Variants in KIFAP3 observed in about 807,000 individuals in gnomAD.
The protein encoded by KIFAP3 is kinesin associated protein 3.
A neutral mutation model predicts 106.5 loss-of-function variants in KIFAP3; 68 were observed. That is an observed-to-expected ratio of 0.64 (90% CI 0.53 to 0.78). The LOEUF (loss-of-function observed/expected upper bound fraction) is 0.78, where lower values mean the gene tolerates loss of function less well. KIFAP3 is among the 30% of genes least tolerant of loss of function. The probability of loss-of-function intolerance (pLI) is 0.00; values close to 1 mark genes in which losing one functional copy is unlikely to be tolerated. For missense variants in KIFAP3, 780 were observed against 941.8 expected (o/e 0.83, Z 2.25); for synonymous variants, 320 against 311.5 (o/e 1.03, Z -0.29).
At chr1:169,998,812 T>C (rs1036642303) in intron 10 of KIFAP3, among the ~76,000 whole-genome samples, 1 of 152,196 alleles carries the variant, frequency 6.6e-6, no homozygotes, top group Non-Finnish European at 1.5e-5. Context: ...ATATAAACCA[T>C]ATGTATCTTA....
chr1:169,922,499 A>G (rs548150857), intron 19 of KIFAP3, among the ~76,000 whole-genome samples: 1 of 152,372 alleles, frequency 6.6e-6, no homozygotes, highest in East Asian at 1.9e-4. Context: ...TTGTAAAGAT[A>G]GCTTGAAGTA....
intron 19 of KIFAP3, among the ~76,000 whole-genome samples, chr1:169,940,348 A>G (rs1664041256): frequency 1.3e-5 from 2 of 152,344 alleles, no homozygotes; most frequent in South Asian, 2.1e-4. Context: ...ATATATTTCA[A>G]TAATTGCCAT....
chr1:169,996,259 T>TA (rs1558230366), intron 10 of KIFAP3, among the ~76,000 whole-genome samples: 1 of 152,158 alleles, frequency 6.6e-6, no homozygotes, highest in East Asian at 1.9e-4. Flanking sequence ...GATCCTCTAT[T>TA]AAAAAAACTC....
intron 18 of KIFAP3, among the ~76,000 whole-genome samples, chr1:169,956,610 C>CTTT (rs1163823729): frequency 9.4e-5 from 11 of 117,438 alleles, no homozygotes; most frequent in Non-Finnish European, 1.2e-4. Context: ...CACTGAAGTT[C>CTTT]TTTTTTTTTT....
intron 1 of KIFAP3, chr1:170,068,186 C>T (rs1671537120): frequency 6.6e-6 from 1 of 151,730 alleles, no homozygotes; most frequent in Non-Finnish European, 1.5e-5. Context: ...AAACAAGAAA[C>T]TCATTCTCAT....
At chr1:170,009,508 G>A (rs1485651862) in intron 10 of KIFAP3, among the ~76,000 whole-genome samples, 2 of 152,024 alleles carry the variant, frequency 1.3e-5, no homozygotes, top group Non-Finnish European at 2.9e-5. Context: ...CCCTTCCAAA[G>A]AACACATTTC....
rs146287084 is a variant in KIFAP3 at position 170,026,535 on chromosome 1, T to C, written c.842-1939A>G. ...AGAATCCAGGCAGAACCTGATAGAA[T>C]CCCTGAGTTAAGGAGATGAAGCCAA... On this transcript the variant is annotated intron_variant, in intron 8 of 19. Coordinates refer to ENST00000361580, the MANE Select transcript of KIFAP3 (RefSeq NM_014970.4). Among the ~76,000 whole-genome samples the C allele has an allele frequency of 5.6e-4, 86 of 152,222 alleles. No individual in the cohort carries two copies. The East Asian group carries it at 0.014, about 24-fold the overall frequency.
chr1:169,955,831 G>C (rs780454119), intron 18 of KIFAP3, among the ~76,000 whole-genome samples: 1 of 151,964 alleles, frequency 6.6e-6, no homozygotes, highest in Non-Finnish European at 1.5e-5. Context: ...ATGTCCACTA[G>C]AAGTTAAAGT....
At chr1:170,049,798 A>G (rs560851929) in intron 2 of KIFAP3, among the ~76,000 whole-genome samples, 1 of 150,328 alleles carries the variant, frequency 6.7e-6, no homozygotes, top group East Asian at 2.0e-4. Flanking sequence ...AACAACATCA[A>G]CAAAAAACAC....
intron 10 of KIFAP3, among the ~76,000 whole-genome samples, chr1:170,000,934 T>C (rs1368143751): frequency 6.6e-6 from 1 of 152,112 alleles, no homozygotes; most frequent in African/African-American, 2.4e-5. Flanking sequence ...GATAAGTAAT[T>C]TTTTATGTCC....
At chr1:170,041,832 C>T (rs1669996578) in intron 3 of KIFAP3, 9 of 1,448,958 alleles carry the variant, frequency 6.2e-6, no homozygotes, top group East Asian at 2.5e-5. Context: ...CCTGCTGACC[C>T]TTCCCAATCT....
intron 19 of KIFAP3, among the ~76,000 whole-genome samples, chr1:169,930,737 T>G (rs780938988): frequency 5.6e-4 from 85 of 152,290 alleles, no homozygotes; most frequent in Non-Finnish European, 9.4e-4. Flanking sequence ...TAGTTCAATA[T>G]TCCGGTTGGT....
At chr1:170,034,253 T>C in intron 7 of KIFAP3, 119 bp downstream of exon 7, 3 of 881,310 alleles carry the variant, frequency 3.4e-6, no homozygotes, top group Non-Finnish European at 5.3e-6. Context: ...ACTCCTGCAT[T>C]GTTTCCAAGT....
chr1:169,949,774 A>G (rs1405245603), intron 19 of KIFAP3, among the ~76,000 whole-genome samples: 1 of 152,044 alleles, frequency 6.6e-6, no homozygotes, highest in Non-Finnish European at 1.5e-5. Context: ...CTCCATAGCT[A>G]TTGCCTTAGA....
At chr1:169,952,983 T>C (rs1010063428) in intron 19 of KIFAP3, among the ~76,000 whole-genome samples, 7 of 152,026 alleles carry the variant, frequency 4.6e-5, no homozygotes, top group African/African-American at 1.4e-4. Flanking sequence ...TAATGAAAAG[T>C]AGAATTTAAG....
intron 8 of KIFAP3, among the ~76,000 whole-genome samples, chr1:170,026,317 A>G (rs947367068): frequency 6.6e-6 from 1 of 152,284 alleles, no homozygotes; most frequent in Non-Finnish European, 1.5e-5. Context: ...AATTAATAGG[A>G]TGGGGTTTTA....
chr1:170,005,253 T>C (rs1365773457), intron 10 of KIFAP3, among the ~76,000 whole-genome samples: 2 of 152,304 alleles, frequency 1.3e-5, no homozygotes, highest in South Asian at 2.1e-4. Context: ...CTTTACACTG[T>C]TGGTGGGACT....
intron 18 of KIFAP3, among the ~76,000 whole-genome samples, chr1:169,957,729 C>T (rs1178505341): frequency 2.0e-5 from 3 of 151,962 alleles, no homozygotes; most frequent in Admixed American, 6.6e-5. Context: ...CGGGTTCAAG[C>T]GATTCTCCTG....
intron 18 of KIFAP3, among the ~76,000 whole-genome samples, chr1:169,954,539 T>C (rs1664905936): frequency 6.6e-6 from 1 of 152,206 alleles, no homozygotes; most frequent in Non-Finnish European, 1.5e-5. Flanking sequence ...TACTTTATTG[T>C]ATTTCACAGC....
Sources: gnomAD v4.1 joint callset for allele counts (sites outside exome capture counted in the v4.1 genomes callset) on GRCh38, gnomAD v4.1.1 for gene constraint, MANE v1.5 for transcripts, NCBI Gene and HGNC (gene_info 2026-07-23, HGNC 2026-07-21) for gene names.